Variants in JPH3 observed in about 807,000 individuals in gnomAD.
JPH3 encodes junctophilin-3.
A neutral mutation model predicts 59.6 loss-of-function variants in JPH3; 11 were observed. That is an observed-to-expected ratio of 0.18 (90% confidence interval 0.12 to 0.31). The LOEUF (loss-of-function observed/expected upper bound fraction) is 0.31. Among genes scored for constraint, JPH3 ranks in the 10% least tolerant of loss-of-function variants. The probability of loss-of-function intolerance (pLI) is 1.00; values close to 1 mark genes in which losing one functional copy is unlikely to be tolerated. For missense variants in JPH3, 1,202 were observed against 1,105.7 expected (o/e 1.09, Z -1.24); for synonymous variants, 673 against 483.6 (o/e 1.39, Z -5.14).
At chr16:87,664,934 C>T (rs557740748) in intron 2 of JPH3, among the ~76,000 whole-genome samples, 5 of 152,320 alleles carry the variant, frequency 3.3e-5, no homozygotes, top group South Asian at 2.1e-4. Context: ...CCCTGCCCAG[C>T]GCATTTGCCT....
intron 1 of JPH3, among the ~76,000 whole-genome samples, chr16:87,639,730 C>T (rs1394939791): frequency 6.6e-6 from 1 of 152,120 alleles, no homozygotes; most frequent in African/African-American, 2.4e-5. Context: ...AGTCTGATGA[C>T]TCCAGGGACC....
At chr16:87,675,201 T>TC (rs1435283958) in intron 2 of JPH3, among the ~76,000 whole-genome samples, 5 of 123,644 alleles carry the variant, frequency 4.0e-5, no homozygotes, top group Admixed American at 3.4e-4. Flanking sequence ...CCCCGCCGTT[T>TC]CCCCGACTCG....
chr16:87,655,758 C>A (rs963691378), intron 2 of JPH3, among the ~76,000 whole-genome samples: 6 of 152,252 alleles, frequency 3.9e-5, no homozygotes, highest in African/African-American at 1.2e-4. Flanking sequence ...CAGCCCACGT[C>A]TCGGCCCCCC....
chr16:87,657,919 C>G (rs572443961), intron 2 of JPH3, among the ~76,000 whole-genome samples: 1 of 152,204 alleles, frequency 6.6e-6, no homozygotes, highest in African/African-American at 2.4e-5. Context: ...AGAGGAGGAG[C>G]TGGTGGCTGC....
chr16:87,659,531 G>C (rs926313367), intron 2 of JPH3, among the ~76,000 whole-genome samples: 1 of 151,890 alleles, frequency 6.6e-6, no homozygotes, highest in Non-Finnish European at 1.5e-5. Context: ...GGACCAGTCT[G>C]GGCCAACATG....
chr16:87,672,647 C>T (rs1195630073), intron 2 of JPH3, among the ~76,000 whole-genome samples: 2 of 152,184 alleles, frequency 1.3e-5, no homozygotes, highest in Non-Finnish European at 2.9e-5. Flanking sequence ...GTGCGGGTGA[C>T]GAGGACACAG....
intron 2 of JPH3, among the ~76,000 whole-genome samples, chr16:87,677,179 T>TACAC (rs1288466199): frequency 1.4e-5 from 1 of 72,686 alleles, no homozygotes; most frequent in East Asian, 5.3e-4. Context: ...ACGCACTATA[T>TACAC]ATATATACAC....
chr16:87,671,864 G>C (rs1051114938), intron 2 of JPH3, among the ~76,000 whole-genome samples: 1 of 152,232 alleles, frequency 6.6e-6, no homozygotes, highest in Non-Finnish European at 1.5e-5. Flanking sequence ...TTGAAGATCG[G>C]TTTTCAGCAG....
chr16:87,677,226 A>AC (rs1491554199), intron 2 of JPH3, among the ~76,000 whole-genome samples: 16,686 of 87,212 alleles, frequency 0.19, 1,519 homozygotes, highest in Middle Eastern at 0.28. Context: ...ACACACACAC[A>AC]AAAAAAAAAA....
At chr16:87,631,007 T>C (rs1045390189) in intron 1 of JPH3, among the ~76,000 whole-genome samples, 1 of 152,248 alleles carries the variant, frequency 6.6e-6, no homozygotes, top group Admixed American at 6.5e-5. Context: ...GAGTTAGTAA[T>C]TGTCTCGCTT....
chr16:87,668,384 G>A (rs941135465), intron 2 of JPH3, among the ~76,000 whole-genome samples: 8 of 152,264 alleles, frequency 5.3e-5, no homozygotes, highest in South Asian at 2.1e-4. Flanking sequence ...CTCCGCAGAC[G>A]CCCTTTCCAG....
intron 2 of JPH3, among the ~76,000 whole-genome samples, chr16:87,659,883 C>T (rs147972155): frequency 1.3e-5 from 2 of 152,200 alleles, no homozygotes; most frequent in Admixed American, 6.5e-5. Context: ...CTCCCCCTCC[C>T]AGGTTCCCTC....
At chr16:87,619,237 C>G (rs1256817589) in intron 1 of JPH3, among the ~76,000 whole-genome samples, 2 of 150,072 alleles carry the variant, frequency 1.3e-5, no homozygotes, top group African/African-American at 4.9e-5. Flanking sequence ...CACTTGAGCT[C>G]AGGAAATCAA....
chr16:87,625,060 A>G (rs2031320906), intron 1 of JPH3, among the ~76,000 whole-genome samples: 1 of 152,196 alleles, frequency 6.6e-6, no homozygotes, highest in South Asian at 2.1e-4. Context: ...TGGCCTCCCA[A>G]AGTGCTGGGA....
intron 2 of JPH3, among the ~76,000 whole-genome samples, chr16:87,682,594 C>G (rs1408429900): frequency 6.6e-6 from 1 of 152,190 alleles, no homozygotes; most frequent in Admixed American, 6.5e-5. Context: ...CTGCAGACAC[C>G]AAATCTGCTG....
rs1283912589 is a variant in JPH3, at chr16:87,602,536, GCCGCCGCCGCCA to G, written c.-599_-588del. Among the ~76,000 whole-genome samples, 4 of 139,112 alleles carry G rather than the reference GCCGCCGCCGCCA, an allele frequency of 2.9e-5. No individual in the cohort carries two copies. Among genetic ancestry groups the G allele is most frequent in the Non-Finnish European group, 4.7e-5 (3 of 63,472 alleles). 91.3% of individuals were successfully genotyped at this position (139,112 alleles called of 152,430 possible). A position where few individuals can be genotyped will look rare whatever the true frequency, so the allele number is the denominator to read the frequency against. ...CGCGCGAGCCGGGCCCGGAGCGCAC[GCCGCCGCCGCCA>G]CCGCCGCCGCCGCCGCCCGAGCCGC... is the stretch of plus-strand genomic sequence containing the variant. On this transcript the variant is annotated 5_prime_UTR_variant, in exon 1 of 5. Transcript: ENST00000284262.
At chr16:87,657,663 C>T (rs1017423523) in intron 2 of JPH3, among the ~76,000 whole-genome samples, 1 of 152,184 alleles carries the variant, frequency 6.6e-6, no homozygotes, top group African/African-American at 2.4e-5. Context: ...TCACTGTGCC[C>T]AGGCCTCTTC....
chr16:87,638,915 C>T (rs958525514), intron 1 of JPH3, among the ~76,000 whole-genome samples: 13 of 152,088 alleles, frequency 8.5e-5, no homozygotes, highest in African/African-American at 3.1e-4. Context: ...AGTGTGGCCC[C>T]CAGCCTGGTG....
chr16:87,682,349 T>C (rs2033316314), intron 2 of JPH3, among the ~76,000 whole-genome samples: 1 of 152,034 alleles, frequency 6.6e-6, no homozygotes, highest in African/African-American at 2.4e-5. Flanking sequence ...ATGGCAGAGA[T>C]GGGGGGTCAG....
Sources: gnomAD v4.1 joint callset for allele counts (sites outside exome capture counted in the v4.1 genomes callset) on GRCh38, gnomAD v4.1.1 for gene constraint, MANE v1.5 for transcripts, NCBI Gene and HGNC (gene_info 2026-07-23, HGNC 2026-07-21) for gene names.